ASTN1: variants seen among roughly 807,000 people sequenced by gnomAD.
ASTN1 encodes astrotactin 1.
In ASTN1, 41 loss-of-function variants were observed where a neutral mutation model predicts 140.7. The observed-to-expected ratio is 0.29, with a 90% CI of 0.23 to 0.38. The LOEUF is 0.38. Ranked by LOEUF, ASTN1 falls within the 10% of genes least tolerant of loss-of-function variation. The pLI, the probability that ASTN1 is intolerant of heterozygous loss-of-function variation, is 1.00. For synonymous variants in ASTN1, 640 were observed against 652.2 expected (o/e 0.98, Z 0.29); for missense variants, 1,479 against 1,678.8 (o/e 0.88, Z 2.08).
At position 177,059,761 on chromosome 1, in the gene ASTN1, T is replaced by C. The variant is rs532973724; in HGVS notation, c.471+1317A>G. 5.6e-4 allele frequency among the ~76,000 whole-genome samples: 85 copies of C among 152,294 alleles called. 1 individual carries two copies. Among genetic ancestry groups the C allele is most frequent in the Non-Finnish European group, 9.6e-4 (65 of 68,036 alleles). ...TTCTATGTCTAAAATGCACTCAGTT[T>C]CCCTCAGTCTGATACACAAAACTAA... On this transcript the variant is annotated intron_variant, in intron 2 of 22. Transcript: ENST00000361833.
intron 1 of ASTN1, 73 bp downstream of exon 1, chr1:177,164,321 A>G: frequency 7.2e-7 from 1 of 1,397,002 alleles, no homozygotes; most frequent in Non-Finnish European, 9.5e-7. Flanking sequence ...GTGGGTGTGT[A>G]GAGCGAGCTG....
chr1:177,117,787 C>T (rs188162742), intron 1 of ASTN1, among the ~76,000 whole-genome samples: 28 of 152,286 alleles, frequency 1.8e-4, no homozygotes, highest in Admixed American at 1.3e-4. Context: ...TTTCTTCAGG[C>T]TGTACTGCCC....
At position 177,014,815 on chromosome 1, in the gene ASTN1, C is replaced by T. The variant is rs778335758; in HGVS notation, c.1499G>A (p.Arg500Gln). ...KDPVHKHLCI[R>Q]NEWGTNQGPW... ...CCCCTGGTTTGTCCCCCATTCGTTC[C>T]GAATGCAAAGGTGCTTATGTACTGG... Residue 500 changes from arginine (R) to glutamine (Q), a missense_variant, in exon 8 of 23, where the codon CGG becomes CAG. Physicochemically the swap from Arg to Gln is conservative, Grantham distance 43. Coordinates refer to ENST00000361833, the MANE Select transcript of ASTN1 (RefSeq NM_004319.3). The T allele has an allele frequency of 5.6e-6, 9 of 1,613,608 alleles. No individual in the cohort carries two copies. The highest frequency in any genetic ancestry group is 2.2e-5 in the South Asian group (2 of 91,046).
intron 16 of ASTN1, among the ~76,000 whole-genome samples, chr1:176,898,682 A>G (rs958733416): frequency 2.0e-5 from 3 of 152,078 alleles, no homozygotes; most frequent in Non-Finnish European, 4.4e-5. Context: ...GGGAGTGAAC[A>G]GTGGGGGAGG....
chr1:177,072,177 C>T (rs1294449042), intron 1 of ASTN1, among the ~76,000 whole-genome samples: 1 of 152,168 alleles, frequency 6.6e-6, no homozygotes, highest in Non-Finnish European at 1.5e-5. Flanking sequence ...GCTTGTATTT[C>T]AGCTTAATGA....
intron 2 of ASTN1, among the ~76,000 whole-genome samples, chr1:177,047,646 AG>A (rs761556804): frequency 2.6e-5 from 4 of 152,236 alleles, no homozygotes; most frequent in South Asian, 2.1e-4. Context: ...GTGAGAGGTG[AG>A]GGGGGTCTGC....
At chr1:177,064,843 A>G (rs1385208562) in intron 1 of ASTN1, among the ~76,000 whole-genome samples, 1 of 152,232 alleles carries the variant, frequency 6.6e-6, no homozygotes, top group Non-Finnish European at 1.5e-5. Flanking sequence ...CCAGGAATTT[A>G]TTTATGTATG....
At chr1:176,965,672 T>C (rs151046005) in intron 8 of ASTN1, among the ~76,000 whole-genome samples, 1 of 152,208 alleles carries the variant, frequency 6.6e-6, no homozygotes, top group African/African-American at 2.4e-5. Flanking sequence ...CATGGACCGA[T>C]AATTTGCTTG....
chr1:177,116,956 C>T (rs2102169706), intron 1 of ASTN1, among the ~76,000 whole-genome samples: 1 of 152,262 alleles, frequency 6.6e-6, no homozygotes, highest in African/African-American at 2.4e-5. Context: ...GCAATTATTA[C>T]CTCTATCCTA....
chr1:176,949,823 G>A (rs893379615), intron 11 of ASTN1, among the ~76,000 whole-genome samples: 2 of 152,212 alleles, frequency 1.3e-5, no homozygotes, highest in East Asian at 3.9e-4. Flanking sequence ...GCAGTGTTGG[G>A]GGGAATGGAC....
Position 176,896,636 on chromosome 1 carries a change from T to A in ASTN1, c.2672-1806A>T, listed in dbSNP as rs764022273. Among the ~76,000 whole-genome samples, 4 of 152,196 alleles carry A rather than the reference T, an allele frequency of 2.6e-5. 1 individual carries two copies. In the South Asian group the frequency reaches 6.2e-4, roughly 24 times the overall value. On this transcript the variant is annotated intron_variant, in intron 16 of 22. Transcript: ENST00000361833. Reference sequence around the variant, plus strand: ...CAAACAGCCCTTCATTAATGCCTCATGGCATTTCTAAATGGGCTCATATTA... The same window carrying A: ...CAAACAGCCCTTCATTAATGCCTCAAGGCATTTCTAAATGGGCTCATATTA...
intron 16 of ASTN1, among the ~76,000 whole-genome samples, chr1:176,928,576 C>A (rs2103083633): frequency 6.6e-6 from 1 of 152,082 alleles, no homozygotes; most frequent in East Asian, 1.9e-4. Flanking sequence ...GGAGCTAGCT[C>A]TTGCAGAGTA....
intron 21 of ASTN1, among the ~76,000 whole-genome samples, chr1:176,874,507 A>T (rs144238996): frequency 1.5e-4 from 23 of 152,298 alleles, no homozygotes; most frequent in Non-Finnish European, 2.9e-4. Context: ...TGGGTAAAAT[A>T]ACAAGTGTGA....
intron 17 of ASTN1, among the ~76,000 whole-genome samples, chr1:176,889,157 G>A (rs900312748): frequency 2.0e-5 from 3 of 152,220 alleles, no homozygotes; most frequent in Admixed American, 6.5e-5. Flanking sequence ...GACCAGTGAA[G>A]TAACAGAACC....
intron 16 of ASTN1, among the ~76,000 whole-genome samples, chr1:176,925,410 G>A (rs28514743): frequency 0.033 from 5,080 of 152,244 alleles, 251 homozygotes; most frequent in African/African-American, 0.11. Flanking sequence ...TGTCAGAAAC[G>A]CAGAATTTCA....
At chr1:176,866,867 C>T (rs1216027792) in intron 22 of ASTN1, among the ~76,000 whole-genome samples, 1 of 152,188 alleles carries the variant, frequency 6.6e-6, no homozygotes, top group Admixed American at 6.5e-5. Flanking sequence ...CTTTTCTACT[C>T]ATCTTCACAA....
intron 21 of ASTN1, among the ~76,000 whole-genome samples, chr1:176,874,426 G>T (rs1382369975): frequency 1.3e-5 from 2 of 152,192 alleles, no homozygotes; most frequent in African/African-American, 2.4e-5. Context: ...TTAAAGACAA[G>T]GGGGAAGGGC....
chr1:176,905,768 T>C (rs1489887819), intron 16 of ASTN1, among the ~76,000 whole-genome samples: 1 of 152,198 alleles, frequency 6.6e-6, no homozygotes, highest in Non-Finnish European at 1.5e-5. Flanking sequence ...CGGTGACCTG[T>C]GCCCTCTGTT....
In ASTN1 at chr1:176,863,489, G is replaced by A. The variant is rs1668033064; in HGVS notation, c.*795C>T. The A allele has an allele frequency of 1.0e-6, 1 of 985,462 alleles. No homozygotes were observed. Among genetic ancestry groups the A allele is most frequent in the Non-Finnish European group, 1.2e-6 (1 of 829,934 alleles). The allele number at this position is 985,462 out of a possible 1,614,324, so 61.0% of individuals were successfully genotyped here. A position where few individuals can be genotyped will look rare whatever the true frequency, so the allele number is the denominator to read the frequency against. ...AAACTCCAAGTCTCCTCTTGAATGTGGACTGCTAACTAGTCTCCCAGGTAG... is the reference window on the plus strand; with the variant it reads ...AAACTCCAAGTCTCCTCTTGAATGTAGACTGCTAACTAGTCTCCCAGGTAG... On this transcript the variant is annotated 3_prime_UTR_variant, in exon 23 of 23. Coordinates refer to ENST00000361833, the MANE Select transcript of ASTN1 (RefSeq NM_004319.3).
Sources: gnomAD v4.1 joint callset for allele counts (sites outside exome capture counted in the v4.1 genomes callset) on GRCh38, gnomAD v4.1.1 for gene constraint, MANE v1.5 for transcripts, NCBI Gene and HGNC (gene_info 2026-07-23, HGNC 2026-07-21) for gene names.